Variants in TRABD2B observed in about 807,000 individuals in gnomAD.
TRABD2B encodes TraB domain containing 2B, also known as metalloprotease TIKI2.
Under a neutral mutation model 40.1 loss-of-function variants are expected in TRABD2B, and 14 were observed. That is an observed-to-expected ratio of 0.35 (90% CI 0.23 to 0.55). TRABD2B has a LOEUF of 0.55. Ranked by LOEUF, TRABD2B falls within the 20% of genes least tolerant of loss-of-function variation. The probability of loss-of-function intolerance (pLI) is 0.90; values close to 1 mark genes in which losing one functional copy is unlikely to be tolerated. For synonymous variants in TRABD2B, 263 were observed against 277.0 expected, an observed-to-expected ratio of 0.95 and a Z score of 0.50; for missense variants, 541 against 648.6, an observed-to-expected ratio of 0.83 and a Z score of 1.80.
chr1:47,880,297 C>T (rs1202984497), intron 2 of TRABD2B, among the ~76,000 whole-genome samples: 1 of 151,808 alleles, frequency 6.6e-6, no homozygotes, highest in Non-Finnish European at 1.5e-5. Context: ...GCCTGGGTGA[C>T]AAAGTGAGAC....
At chr1:47,791,412 G>A (rs1039123019) in intron 4 of TRABD2B, among the ~76,000 whole-genome samples, 3 of 152,204 alleles carry the variant, frequency 2.0e-5, no homozygotes, top group African/African-American at 7.2e-5. Context: ...ATGGACTCTA[G>A]GCTTGAGAGA....
chr1:47,828,783 A>G (rs1203649434), intron 2 of TRABD2B, among the ~76,000 whole-genome samples: 1 of 152,190 alleles, frequency 6.6e-6, no homozygotes, highest in Non-Finnish European at 1.5e-5. Context: ...CACACCCTAG[A>G]AAGTGGAGCC....
chr1:47,945,705 G>C (rs1570342450), intron 2 of TRABD2B, among the ~76,000 whole-genome samples: 2 of 152,282 alleles, frequency 1.3e-5, no homozygotes, highest in South Asian at 4.2e-4. Context: ...CCATGCATTT[G>C]AGATTCATCA....
At chr1:47,855,058 A>C (rs1051122961) in intron 2 of TRABD2B, among the ~76,000 whole-genome samples, 1 of 152,152 alleles carries the variant, frequency 6.6e-6, no homozygotes, top group Non-Finnish European at 1.5e-5. Context: ...CACTGAGCTG[A>C]AACTTCAGAG....
chr1:47,815,153 A>G (rs879292546), intron 2 of TRABD2B, among the ~76,000 whole-genome samples: 21 of 152,198 alleles, frequency 1.4e-4, no homozygotes, highest in African/African-American at 4.3e-4. Flanking sequence ...AGAAAGGGAA[A>G]ATGTTTTTAG....
intron 5 of TRABD2B, among the ~76,000 whole-genome samples, chr1:47,776,203 C>G (rs913564055): frequency 6.6e-6 from 1 of 151,938 alleles, no homozygotes; most frequent in Non-Finnish European, 1.5e-5. Flanking sequence ...TCCATTCATA[C>G]ATTCAATACA....
intron 2 of TRABD2B, among the ~76,000 whole-genome samples, chr1:47,861,583 GA>G (rs1643971751): frequency 1.3e-5 from 2 of 152,182 alleles, no homozygotes. Flanking sequence ...CAGACAATCT[GA>G]ATAGGCCCAT....
intron 2 of TRABD2B, among the ~76,000 whole-genome samples, chr1:47,847,602 T>A (rs970977239): frequency 2.0e-5 from 3 of 152,082 alleles, no homozygotes; most frequent in Non-Finnish European, 4.4e-5. Context: ...GGAACTGAGC[T>A]CAGTATTCCC....
chr1:47,880,633 G>C (rs777379533), intron 2 of TRABD2B, among the ~76,000 whole-genome samples: 43 of 152,284 alleles, frequency 2.8e-4, no homozygotes, highest in Non-Finnish European at 5.4e-4. Context: ...CAATGTGGAG[G>C]CACAGCGTGT....
intron 2 of TRABD2B, among the ~76,000 whole-genome samples, chr1:47,850,431 G>A (rs907922792): frequency 6.6e-6 from 1 of 152,194 alleles, no homozygotes; most frequent in African/African-American, 2.4e-5. Flanking sequence ...AATCCGAAAG[G>A]CCTCTTCCAA....
At chr1:47,795,924 T>C (rs2124234056) in intron 3 of TRABD2B, among the ~76,000 whole-genome samples, 1 of 152,324 alleles carries the variant, frequency 6.6e-6, no homozygotes, top group African/African-American at 2.4e-5. Flanking sequence ...CCCAGCCACA[T>C]GGCCTGGGAA....
At position 47,994,054 on chromosome 1, in the gene TRABD2B, T is replaced by G; in HGVS notation, c.646A>C (p.Asn216His). The change falls in exon 2 of 7, where the codon AAC becomes CAC. Residue 216 changes from asparagine (N) to histidine (H), a missense_variant. This residue lies in a region of TRABD2B where 369 missense variants were observed against 492.8 expected (regional missense o/e 0.75). Coordinates refer to ENST00000606738, the MANE Select transcript of TRABD2B (RefSeq NM_001194986.2). This position sits in a 1 kb window ranked among gnomAD's most constrained non-coding sequence, Gnocchi z 6.7. ...CCTACCTGGGAGAAGTTGAGCCCGT[T>G]GTTGAGGGGATGGCACTGCTCCTCC... ...QVEEQCHPLN[N>H]GLNFSQVLFA... 6.5e-7 allele frequency: 1 copy of G among 1,535,390 alleles called. No homozygotes were observed. Among genetic ancestry groups the G allele is most frequent in the Non-Finnish European group, 8.7e-7 (1 of 1,146,314 alleles).
intron 2 of TRABD2B, among the ~76,000 whole-genome samples, chr1:47,971,909 C>T (rs917178743): frequency 1.1e-4 from 17 of 152,108 alleles, no homozygotes; most frequent in African/African-American, 4.1e-4. Flanking sequence ...AAAGATTGTG[C>T]TTTTGTGGTA....
rs1646064376 is a variant in TRABD2B, at chr1:47,994,648, G to A, written c.103-51C>T. The A allele has an allele frequency of 6.7e-7, 1 of 1,486,078 alleles. No homozygotes were observed. Among genetic ancestry groups the A allele is most frequent in the African/African-American group, 1.4e-5 (1 of 72,338 alleles). 92.1% of individuals were successfully genotyped at this position (1,486,078 alleles called of 1,614,324 possible). A position where few individuals can be genotyped will look rare whatever the true frequency, so the allele number is the denominator to read the frequency against. On this transcript the variant is annotated intron_variant, in intron 1 of 6. Transcript: ENST00000606738. This position sits in a 1 kb window ranked among gnomAD's most constrained non-coding sequence, Gnocchi z 6.7. The stretch of plus-strand genomic sequence containing the variant: ...CAGTGAGGCCGAAGGCAACAGAGTA[G>A]AGTCAGGGTAGCCCAGAGGCACGTT...
chr1:47,831,231 G>A (rs1645244138), intron 2 of TRABD2B, among the ~76,000 whole-genome samples: 1 of 152,138 alleles, frequency 6.6e-6, no homozygotes, highest in South Asian at 2.1e-4. Context: ...ACGTAAGAAA[G>A]CCGGCTGTAG....
intron 2 of TRABD2B, among the ~76,000 whole-genome samples, chr1:47,979,960 G>A (rs1645817218): frequency 6.6e-6 from 1 of 152,132 alleles, no homozygotes; most frequent in African/African-American, 2.4e-5. Context: ...AGCCAACAAA[G>A]GAATGAGTGG....
intron 2 of TRABD2B, among the ~76,000 whole-genome samples, chr1:47,899,243 G>T (rs780412431): frequency 2.0e-5 from 3 of 152,214 alleles, no homozygotes; most frequent in Non-Finnish European, 4.4e-5. Context: ...ATGCATGTTG[G>T]TCTCTGCAAG....
chr1:47,778,930 C>A (rs1307655851), intron 4 of TRABD2B, among the ~76,000 whole-genome samples: 1 of 152,202 alleles, frequency 6.6e-6, no homozygotes, highest in Non-Finnish European at 1.5e-5. Flanking sequence ...CCCCAGCCCC[C>A]CACAGTCCAG....
intron 2 of TRABD2B, among the ~76,000 whole-genome samples, chr1:47,831,642 G>T (rs1352567319): frequency 6.6e-6 from 1 of 152,130 alleles, no homozygotes; most frequent in Non-Finnish European, 1.5e-5. Context: ...TGGTCTTAAG[G>T]ACATTTCCAA....
Sources: allele counts gnomAD v4.1 joint callset (sites outside exome capture counted in the v4.1 genomes callset), GRCh38; gene constraint gnomAD v4.1.1; regional missense constraint gnomAD v4.1.1; non-coding constraint Gnocchi (gnomAD v3.1); transcripts MANE v1.5; gene names NCBI Gene and HGNC (gene_info 2026-07-23, HGNC 2026-07-21).